Variants in PPP2R3B observed in about 807,000 individuals in gnomAD.
PPP2R3B encodes serine/threonine-protein phosphatase 2A regulatory subunit B'' subunit beta.
A neutral mutation model predicts 72.9 loss-of-function variants in PPP2R3B; 68 were observed. That is an observed-to-expected ratio of 0.93 (90% CI 0.77 to 1.14). The LOEUF (loss-of-function observed/expected upper bound fraction) is 1.14. Ranked by LOEUF, PPP2R3B falls within the 50% of genes most tolerant of loss-of-function variation. The probability of loss-of-function intolerance (pLI) is 0.00; values close to 1 mark genes in which losing one functional copy is unlikely to be tolerated. For synonymous variants in PPP2R3B, 466 were observed against 375.8 expected (o/e 1.24, Z -2.78); for missense variants, 1,018 against 842.0 (o/e 1.21, Z -2.59).
intron 12 of PPP2R3B, chrX:337,380 A>G (rs746312380): frequency 2.4e-4 from 36 of 152,338 alleles, no homozygotes; most frequent in African/African-American, 8.2e-4. Flanking sequence ...GCGCCCGGCC[A>G]GAAGGAGCCT....
intron 2 of PPP2R3B, among the ~76,000 whole-genome samples, chrX:348,103 C>T (rs776763851): frequency 5.3e-5 from 8 of 152,226 alleles, no homozygotes; most frequent in African/African-American, 1.9e-4. Flanking sequence ...CCTACAGCAG[C>T]GACCCATGGC....
intron 1 of PPP2R3B, among the ~76,000 whole-genome samples, chrX:383,622 G>C (rs1431819605): frequency 1.3e-5 from 2 of 151,774 alleles, no homozygotes; most frequent in Non-Finnish European, 2.9e-5. Context: ...CGGATCACGA[G>C]GTCAGGAGAT....
Position 338,811 on chromosome X carries a change from G to A in PPP2R3B, c.1437C>T (p.Asp479=), listed in dbSNP as rs1226973191. 3.1e-6 allele frequency: 5 copies of A among 1,612,350 alleles called. No homozygotes were observed. Among genetic ancestry groups the A allele is most frequent in the Non-Finnish European group, 4.2e-6 (5 of 1,179,714 alleles). ...GGGAGATCTGCTCTTTCTGCTCGTG[G>A]TCGAGGTACTTCTCGATGTTGAAGA... is the stretch of plus-strand genomic sequence containing the variant. ...DTFFNIEKYL[D]HEQKEQISLL... Residue 479 remains aspartate (D), a synonymous_variant, in exon 11 of 13, where the codon GAC becomes GAT. Transcript: ENST00000390665.
chrX:338,188 C>T, intron 12 of PPP2R3B: 1 of 341,146 alleles, frequency 2.9e-6, no homozygotes, highest in Non-Finnish European at 5.6e-6. Flanking sequence ...AAGCAACCAG[C>T]CCAGGGCCTC....
intron 1 of PPP2R3B, among the ~76,000 whole-genome samples, chrX:379,881 T>C (rs1603139358): frequency 6.6e-6 from 1 of 152,350 alleles, no homozygotes; most frequent in African/African-American, 2.4e-5. Flanking sequence ...CAAAATTTGC[T>C]AGAAAGTTAC....
At chrX:347,372 G>C in intron 3 of PPP2R3B, 36 bp from the exon 4 acceptor site, 1 of 1,594,306 alleles carries the variant, frequency 6.3e-7, no homozygotes, top group African/African-American at 1.3e-5. Flanking sequence ...CACCCTCACA[G>C]GGGGGTGGCT....
At chrX:348,302 G>A (rs1276127412) in intron 2 of PPP2R3B, among the ~76,000 whole-genome samples, 1 of 140,848 alleles carries the variant, frequency 7.1e-6, no homozygotes, top group Non-Finnish European at 1.6e-5. Flanking sequence ...CTGGCTGGGC[G>A]TGGTGGCTCA....
At chrX:361,066 G>C (rs1303325872) in intron 2 of PPP2R3B, among the ~76,000 whole-genome samples, 3 of 152,214 alleles carry the variant, frequency 2.0e-5, no homozygotes, top group Non-Finnish European at 4.4e-5. Flanking sequence ...AGAGCCACGA[G>C]AGCTGGCGCC....
intron 9 of PPP2R3B, 58 bp from the exon 10 acceptor site, chrX:340,998 C>T (rs1206135283): frequency 2.5e-6 from 4 of 1,589,060 alleles, no homozygotes; most frequent in African/African-American, 1.3e-5. Flanking sequence ...CCGTGACCTG[C>T]AGCCCCTGAG....
At chrX:381,068 C>T (rs112588960) in intron 1 of PPP2R3B, among the ~76,000 whole-genome samples, 1,919 of 151,962 alleles carry the variant, frequency 0.013, 44 homozygotes, top group African/African-American at 0.044. Context: ...GCTGAGACTT[C>T]AGGCATGAAC....
chrX:340,464 G>A (rs1470923515), intron 10 of PPP2R3B, among the ~76,000 whole-genome samples: 14 of 99,948 alleles, frequency 1.4e-4, no homozygotes, highest in Non-Finnish European at 2.4e-4. Context: ...CCTCCCGTCT[G>A]TCCCCTCACC....
chrX:368,435 C>G (rs2071776007), intron 1 of PPP2R3B, among the ~76,000 whole-genome samples: 1 of 87,096 alleles, frequency 1.1e-5, no homozygotes, highest in Non-Finnish European at 2.4e-5. Context: ...GACCACCCAC[C>G]CCGGGCACTG....
intron 4 of PPP2R3B, among the ~76,000 whole-genome samples, chrX:346,987 G>A (rs1297942390): frequency 6.7e-5 from 10 of 149,764 alleles, no homozygotes; most frequent in African/African-American, 2.5e-4. Context: ...CTCCCGTGAG[G>A]TGTGCAGTGT....
intron 10 of PPP2R3B, 87 bp from the exon 11 acceptor site, chrX:338,983 T>G: frequency 1.8e-6 from 2 of 1,100,628 alleles, no homozygotes; most frequent in Non-Finnish European, 2.8e-6. Flanking sequence ...CTGTCACACG[T>G]GCTTAAGGAC....
rs1202623394 is a variant in PPP2R3B at position 375,753 on chromosome X, G to A, written c.324+10615C>T. Reference sequence around the variant, plus strand: ...AAGTCAAAGATCAAACCCAAAATGCGGGGGAAGCGAGCCAACGGGCGCGAT... The same window carrying A: ...AAGTCAAAGATCAAACCCAAAATGCAGGGGAAGCGAGCCAACGGGCGCGAT... On this transcript the variant is annotated intron_variant, in intron 1 of 12. Coordinates refer to ENST00000390665, the MANE Select transcript of PPP2R3B (RefSeq NM_013239.5). 2.8e-5 allele frequency among the ~76,000 whole-genome samples: 4 copies of A among 143,812 alleles called. No homozygotes were observed. In the South Asian group the frequency reaches 6.5e-4, roughly 24 times the overall value. 94.3% of individuals were successfully genotyped at this position (143,812 alleles called of 152,430 possible).
chrX:376,796 G>A (rs2072007082), intron 1 of PPP2R3B, among the ~76,000 whole-genome samples: 1 of 117,368 alleles, frequency 8.5e-6, no homozygotes, highest in Non-Finnish European at 1.9e-5. Flanking sequence ...GGGCCGCCAT[G>A]GGGCTGTCTA....
intron 6 of PPP2R3B, 78 bp downstream of exon 6, chrX:346,096 G>A: frequency 3.1e-6 from 2 of 638,216 alleles, no homozygotes; most frequent in Non-Finnish European, 2.4e-6. Context: ...AGGGAGGGGG[G>A]AGGAGGGAAG....
chrX:354,122 C>T (rs2071391280), intron 2 of PPP2R3B, among the ~76,000 whole-genome samples: 2 of 136,346 alleles, frequency 1.5e-5, no homozygotes, highest in African/African-American at 3.3e-5. Context: ...ACAGGGGGCT[C>T]ACCCAAAGAC....
intron 9 of PPP2R3B, 106 bp downstream of exon 9, chrX:341,201 C>A (rs1161979538): frequency 1.8e-6 from 2 of 1,114,896 alleles, no homozygotes; most frequent in Non-Finnish European, 2.5e-6. Flanking sequence ...CCCCCTGTGC[C>A]GTGCAGCCCC....
Sources: allele counts gnomAD v4.1 joint callset (sites outside exome capture counted in the v4.1 genomes callset), GRCh38; gene constraint gnomAD v4.1.1; transcripts MANE v1.5; gene names NCBI Gene and HGNC (gene_info 2026-07-23, HGNC 2026-07-21).